Variants in KCNJ10 observed in about 807,000 individuals in gnomAD.
KCNJ10 encodes ATP-sensitive inward rectifier potassium channel 10.
KCNJ10 carries 9 observed loss-of-function variants against 22.2 expected under a neutral mutation model. That is an observed-to-expected ratio of 0.40 (90% CI 0.24 to 0.71). KCNJ10 has a LOEUF of 0.71. KCNJ10 is among the 30% of genes least tolerant of loss of function. The pLI, the probability that KCNJ10 is intolerant of heterozygous loss-of-function variation, is 0.35. For synonymous variants in KCNJ10, 184 were observed against 187.3 expected, an observed-to-expected ratio of 0.98 and a Z score of 0.15; for missense variants, 337 against 482.7, an observed-to-expected ratio of 0.70 and a Z score of 2.83.
chr1:160,061,246 A>G (rs1305613992), intron 1 of KCNJ10, among the ~76,000 whole-genome samples: 1 of 152,194 alleles, frequency 6.6e-6, no homozygotes, highest in African/African-American at 2.4e-5. Context: ...AGAGACCTCC[A>G]TTCTAGTCCC....
At position 160,041,923 on chromosome 1, in the gene KCNJ10, G is replaced by A. The variant is rs1345522131; in HGVS notation, c.610C>T (p.Arg204Cys). 5.0e-6 allele frequency: 8 copies of A among 1,613,676 alleles called. No individual in the cohort carries two copies. Among genetic ancestry groups the A allele is most frequent in the Admixed American group, 1.7e-5 (1 of 60,010 alleles). Residue 204 changes from arginine (R) to cysteine (C), a missense_variant, in exon 2 of 2, where the codon CGC becomes TGC. Physicochemically the swap from Arg to Cys is radical, Grantham distance 180. Around this residue, in one of 3 missense-constraint regions of KCNJ10, gnomAD observed 165 missense variants for 281.5 expected, o/e 0.59. Coordinates refer to ENST00000644903, the MANE Select transcript of KCNJ10 (RefSeq NM_002241.5). This position sits in a 1 kb window ranked among gnomAD's most constrained non-coding sequence, Gnocchi z 4.4. ...TGGCAGCCAATGAGGAGGCTTTTGC[G>A]CATATTGGCAACTCGGATCATGAGG... Reference protein sequence around the residue: ...PCLMIRVANMRKSLLIGCQVT... With the variant: ...PCLMIRVANMCKSLLIGCQVT...
intron 1 of KCNJ10, among the ~76,000 whole-genome samples, chr1:160,056,152 T>A (rs1294166624): frequency 6.6e-6 from 1 of 152,174 alleles, no homozygotes; most frequent in East Asian, 1.9e-4. Context: ...CTGCCCTAGT[T>A]CATTCACTTG....
intron 1 of KCNJ10, among the ~76,000 whole-genome samples, chr1:160,059,651 A>G (rs1346116301): frequency 1.3e-5 from 2 of 152,170 alleles, no homozygotes; most frequent in Non-Finnish European, 2.9e-5. Flanking sequence ...ATAAGCAGCA[A>G]ATAGTGAGGT....
chr1:160,058,266 G>C (rs1338832714), intron 1 of KCNJ10, among the ~76,000 whole-genome samples: 1 of 152,126 alleles, frequency 6.6e-6, no homozygotes, highest in African/African-American at 2.4e-5. Context: ...ACACTTGGGG[G>C]CACTGAGTCA....
intron 1 of KCNJ10, among the ~76,000 whole-genome samples, chr1:160,069,310 G>T (rs1353649527): frequency 6.6e-6 from 1 of 152,204 alleles, no homozygotes; most frequent in African/African-American, 2.4e-5. Flanking sequence ...ATGGGAAGGG[G>T]CGTCTCCATC....
chr1:160,061,788 G>T (rs1557973913), intron 1 of KCNJ10, among the ~76,000 whole-genome samples: 1 of 151,350 alleles, frequency 6.6e-6, no homozygotes, highest in Non-Finnish European at 1.5e-5. Flanking sequence ...GGGTGTGCAG[G>T]TGCATATGCC....
Position 160,041,304 on chromosome 1 carries a change from G to T in KCNJ10, c.*89C>A. 1 of 1,315,322 alleles carries T rather than the reference G, an allele frequency of 7.6e-7. No homozygotes were observed. The highest frequency in any genetic ancestry group is 1.1e-6 in the Non-Finnish European group (1 of 933,846). 81.5% of individuals were successfully genotyped at this position (1,315,322 alleles called of 1,614,324 possible). A position where few individuals can be genotyped will look rare whatever the true frequency, so the allele number is the denominator to read the frequency against. On this transcript the variant is annotated 3_prime_UTR_variant, in exon 2 of 2. Transcript: ENST00000644903. The surrounding 1 kb of genome is among the most constrained non-coding windows in gnomAD (Gnocchi z 4.4). ...GGAGTGGAGGATGGGTGCTTCGGGG[G>T]ATCTCCAGTAAACCCGGGTAGTATT...
In KCNJ10 at chr1:160,042,096, A is replaced by G; in HGVS notation, c.437T>C (p.Leu146Pro). The change falls in exon 2 of 2, where the codon CTT (leucine) becomes CCT (proline). Residue 146 changes from leucine (L) to proline (P), a missense_variant. Around this residue, in one of 3 missense-constraint regions of KCNJ10, gnomAD observed 165 missense variants for 281.5 expected, o/e 0.59. Coordinates refer to ENST00000644903, the MANE Select transcript of KCNJ10 (RefSeq NM_002241.5). ...GGTGAGCACCAGCTGGGCAATAAGA[A>G]GCACAATGGCCAGTGGACATTCCTC... ...ISEECPLAIV[L>P]LIAQLVLTTI... 1 of 1,550,880 alleles carries G rather than the reference A, an allele frequency of 6.4e-7. No individual in the cohort carries two copies. Among genetic ancestry groups the G allele is most frequent in the South Asian group, 1.3e-5 (1 of 79,500 alleles).
At chr1:160,046,978 T>C (rs1157754788) in intron 1 of KCNJ10, among the ~76,000 whole-genome samples, 2 of 152,210 alleles carry the variant, frequency 1.3e-5, no homozygotes, top group Non-Finnish European at 2.9e-5. Context: ...ACCTTCTTTC[T>C]CCTCTAAGAC....
chr1:160,052,450 C>A (rs995051325), intron 1 of KCNJ10, among the ~76,000 whole-genome samples: 24 of 152,178 alleles, frequency 1.6e-4, no homozygotes, highest in Admixed American at 2.6e-4. Context: ...CCTGTCCTAT[C>A]CTTCTCCTTC....
intron 1 of KCNJ10, among the ~76,000 whole-genome samples, chr1:160,065,241 C>A (rs1165288063): frequency 6.6e-6 from 1 of 152,126 alleles, no homozygotes; most frequent in Non-Finnish European, 1.5e-5. Context: ...TATACACACC[C>A]TGCTGCAGGA....
intron 1 of KCNJ10, among the ~76,000 whole-genome samples, chr1:160,058,774 G>A (rs977734301): frequency 5.3e-5 from 8 of 152,082 alleles, no homozygotes; most frequent in Admixed American, 2.0e-4. Flanking sequence ...CCCACTTCAC[G>A]CATGCATCAT....
chr1:160,052,453 TCTC>T (rs1305672711), intron 1 of KCNJ10, among the ~76,000 whole-genome samples: 1 of 152,142 alleles, frequency 6.6e-6, no homozygotes, highest in African/African-American at 2.4e-5. Flanking sequence ...GTCCTATCCT[TCTC>T]CTTCCTCTTC....
chr1:160,065,665 G>A (rs1373075218), intron 1 of KCNJ10, among the ~76,000 whole-genome samples: 1 of 152,154 alleles, frequency 6.6e-6, no homozygotes, highest in African/African-American at 2.4e-5. Context: ...ATGCTCCCCA[G>A]GATCAGGGTC....
In KCNJ10 at chr1:160,055,878, G is replaced by A. The variant is rs79269850; in HGVS notation, c.1-13346C>T. ...CTTCCTCAACTGTTTCCCCCGTTCC[G>A]TGGATTCCACGTCACCTCTGCCCTG... is the stretch of plus-strand genomic sequence containing the variant. On this transcript the variant is annotated intron_variant, in intron 1 of 1. Coordinates refer to ENST00000644903, the MANE Select transcript of KCNJ10 (RefSeq NM_002241.5). 6.0e-3 allele frequency among the ~76,000 whole-genome samples: 919 copies of A among 152,218 alleles called. 10 individuals carry two copies. The highest frequency in any genetic ancestry group is 0.02 in the African/African-American group (846 of 41,494).
chr1:160,067,452 C>T (rs1018631926), intron 1 of KCNJ10, among the ~76,000 whole-genome samples: 2 of 152,228 alleles, frequency 1.3e-5, no homozygotes, highest in African/African-American at 4.8e-5. Flanking sequence ...CCATTGGGTG[C>T]TAAAACACTT....
intron 1 of KCNJ10, among the ~76,000 whole-genome samples, chr1:160,056,617 T>C (rs1326057279): frequency 6.6e-6 from 1 of 152,222 alleles, no homozygotes; most frequent in African/African-American, 2.4e-5. Context: ...TCCCTCTATG[T>C]TCCCGGGACA....
In KCNJ10 at chr1:160,041,683, T is replaced by C; in HGVS notation, c.850A>G (p.Ser284Gly). The C allele has an allele frequency of 6.2e-7, 1 of 1,614,140 alleles. No individual in the cohort carries two copies. Among genetic ancestry groups the C allele is most frequent in the Non-Finnish European group, 8.5e-7 (1 of 1,179,994 alleles). Reference protein sequence around the residue: ...EGDFELVLILSGTVESTSATC... With the variant: ...EGDFELVLILGGTVESTSATC... ...GCACTGGTGGACTCCACTGTCCCACTTAGGATCAGCACCAGCTCAAAGTCA... is the reference window on the plus strand; with the variant it reads ...GCACTGGTGGACTCCACTGTCCCACCTAGGATCAGCACCAGCTCAAAGTCA... The change falls in exon 2 of 2, where the codon AGT (serine) becomes GGT (glycine). Residue 284 changes from serine to glycine, a missense_variant. Coordinates refer to ENST00000644903, the MANE Select transcript of KCNJ10 (RefSeq NM_002241.5). This position sits in a 1 kb window ranked among gnomAD's most constrained non-coding sequence, Gnocchi z 4.4.
chr1:160,041,667 G>T lies in KCNJ10; in HGVS notation c.866C>A (p.Ser289Tyr). 6.2e-7 allele frequency: 1 copy of T among 1,614,194 alleles called. No homozygotes were observed. The highest frequency in any genetic ancestry group is 8.5e-7 in the Non-Finnish European group (1 of 1,180,028). ...LVLILSGTVE[S>Y]TSATCQVRTS... Reference sequence around the variant, plus strand: ...GCGCACCTGACAGGTGGCACTGGTGGACTCCACTGTCCCACTTAGGATCAG... The same window carrying T: ...GCGCACCTGACAGGTGGCACTGGTGTACTCCACTGTCCCACTTAGGATCAG... The change falls in exon 2 of 2, where the codon TCC becomes TAC. Residue 289 changes from serine to tyrosine, a missense_variant. Coordinates refer to ENST00000644903, the MANE Select transcript of KCNJ10 (RefSeq NM_002241.5). This position sits in a 1 kb window ranked among gnomAD's most constrained non-coding sequence, Gnocchi z 4.4.
Sources: gnomAD v4.1 joint callset for allele counts (sites outside exome capture counted in the v4.1 genomes callset) on GRCh38, gnomAD v4.1.1 for gene constraint, gnomAD v4.1.1 regional missense constraint, Gnocchi (gnomAD v3.1) non-coding constraint, MANE v1.5 for transcripts, NCBI Gene and HGNC (gene_info 2026-07-23, HGNC 2026-07-21) for gene names.